The following SCP2 variants were observed in gnomAD, a reference collection of about 807,000 sequenced individuals.
SCP2 encodes SCP-2/3-oxoacyl-CoA thiolase.
In SCP2, 48 loss-of-function variants were observed where a neutral mutation model predicts 71.4. The ratio of observed to expected loss-of-function variants is 0.67; its 90% CI spans 0.53 to 0.86. The LOEUF is 0.86. Ranked by LOEUF, SCP2 falls within the 40% of genes least tolerant of loss-of-function variation. The pLI is 0.00. For synonymous variants in SCP2, 220 were observed against 218.1 expected (o/e 1.01, Z -0.08); for missense variants, 560 against 655.6 (o/e 0.85, Z 1.59).
intron 12 of SCP2, among the ~76,000 whole-genome samples, chr1:53,015,986 A>G (rs1209789393): frequency 2.0e-5 from 3 of 152,184 alleles, no homozygotes; most frequent in Non-Finnish European, 4.4e-5. Context: ...GTAATTATTT[A>G]ATCATTTATT....
intron 12 of SCP2, among the ~76,000 whole-genome samples, chr1:53,027,756 C>T (rs550527625): frequency 3.9e-4 from 59 of 152,212 alleles, no homozygotes; most frequent in Admixed American, 2.9e-3. Context: ...CCACTCGCCT[C>T]GGCCTCCCAA....
intron 13 of SCP2, among the ~76,000 whole-genome samples, chr1:53,036,205 CA>C (rs768090086): frequency 1.3e-5 from 2 of 149,520 alleles, no homozygotes; most frequent in African/African-American, 2.4e-5. Context: ...TTATATTAAA[CA>C]AAAAAAGTAG....
chr1:52,955,154 C>G (rs1279190901), intron 5 of SCP2, among the ~76,000 whole-genome samples: 3 of 152,102 alleles, frequency 2.0e-5, no homozygotes, highest in Non-Finnish European at 4.4e-5. Flanking sequence ...TGAGCCAGTT[C>G]TCTCACTGAT....
chr1:52,949,849 T>A (rs932811495), intron 3 of SCP2, among the ~76,000 whole-genome samples: 66 of 152,346 alleles, frequency 4.3e-4, no homozygotes, highest in African/African-American at 1.5e-3. Flanking sequence ...TATTTAAGAA[T>A]GTTAGCACAG....
At chr1:53,000,443 C>T (rs1660241037) in intron 11 of SCP2, among the ~76,000 whole-genome samples, 1 of 151,988 alleles carries the variant, frequency 6.6e-6, no homozygotes. Context: ...TTTAGTTTGG[C>T]CTTTTGTCGT....
chr1:53,003,627 C>T (rs1660456209), intron 11 of SCP2, among the ~76,000 whole-genome samples: 1 of 152,170 alleles, frequency 6.6e-6, no homozygotes, highest in South Asian at 2.1e-4. Context: ...TCAAGTGATC[C>T]TCCCGCCTCA....
At chr1:52,959,588 G>A (rs6588446) in intron 5 of SCP2, among the ~76,000 whole-genome samples, 82,799 of 151,760 alleles carry the variant, frequency 0.55, 24,114 homozygotes, top group East Asian at 0.98. Context: ...TCAATCTTCT[G>A]AGTTTATATA....
chr1:53,016,270 C>T (rs1661333785), intron 12 of SCP2, among the ~76,000 whole-genome samples: 1 of 152,120 alleles, frequency 6.6e-6, no homozygotes, highest in African/African-American at 2.4e-5. Flanking sequence ...TGAATATCCA[C>T]AGCACTTTGT....
intron 1 of SCP2, among the ~76,000 whole-genome samples, chr1:52,934,553 T>A (rs11206042): frequency 0.026 from 3,815 of 144,184 alleles, 177 homozygotes; most frequent in African/African-American, 0.091. Context: ...GTATGAAAAA[T>A]TCATTGATAG....
intron 1 of SCP2, among the ~76,000 whole-genome samples, chr1:52,939,530 A>T (rs1371821929): frequency 7.2e-5 from 11 of 152,162 alleles, no homozygotes; most frequent in African/African-American, 2.7e-4. Flanking sequence ...TGGGCAACAG[A>T]GTGAGACTCC....
intron 13 of SCP2, among the ~76,000 whole-genome samples, chr1:53,030,856 C>T (rs963776548): frequency 2.7e-5 from 4 of 148,842 alleles, no homozygotes; most frequent in African/African-American, 5.0e-5. Flanking sequence ...GCCAAGATCA[C>T]GCCACTGTAC....
intron 11 of SCP2, among the ~76,000 whole-genome samples, chr1:53,004,683 A>T (rs1240248880): frequency 1.3e-5 from 2 of 152,216 alleles, no homozygotes; most frequent in African/African-American, 4.8e-5. Flanking sequence ...AAATAGGAGC[A>T]GCTCCAGTCT....
intron 14 of SCP2, among the ~76,000 whole-genome samples, chr1:53,043,964 G>A (rs1026564643): frequency 2.0e-5 from 3 of 152,068 alleles, no homozygotes; most frequent in Admixed American, 1.3e-4. Context: ...TTTTAGGGGC[G>A]ATCCCTGAGT....
intron 11 of SCP2, among the ~76,000 whole-genome samples, chr1:52,999,080 T>C (rs1446906636): frequency 2.0e-5 from 3 of 148,566 alleles, no homozygotes; most frequent in Non-Finnish European, 2.9e-5. Context: ...CTAGTGATGG[T>C]ATAGCATTTT....
At position 53,026,156 on chromosome 1, in the gene SCP2, G is replaced by A. The variant is rs76789428; in HGVS notation, c.1236-1813G>A. Among the ~76,000 whole-genome samples the A allele has an allele frequency of 1.1e-3, 169 of 152,046 alleles. 1 individual carries two copies. In the East Asian group the frequency reaches 0.024, roughly 22 times the overall value. On this transcript the variant is annotated intron_variant, in intron 12 of 15. Coordinates refer to ENST00000371514, the MANE Select transcript of SCP2 (RefSeq NM_002979.5). ...TGCATAACTGATGTACATAGTCTCA[G>A]GGTACAAGTACTAATTTAATACATT...
intron 10 of SCP2, among the ~76,000 whole-genome samples, chr1:52,983,100 T>C (rs1222626526): frequency 6.6e-6 from 1 of 152,196 alleles, no homozygotes; most frequent in African/African-American, 2.4e-5. Flanking sequence ...CTAAAGGAAC[T>C]CTGGGCTGAT....
At chr1:52,929,360 AT>A (rs944094601) in intron 1 of SCP2, among the ~76,000 whole-genome samples, 1 of 151,680 alleles carries the variant, frequency 6.6e-6, no homozygotes, top group Non-Finnish European at 1.5e-5. Context: ...TTAAAAAAAA[AT>A]TTTTTTTGTA....
At chr1:52,948,994 C>A (rs1205817540) in intron 3 of SCP2, among the ~76,000 whole-genome samples, 9 of 151,330 alleles carry the variant, frequency 5.9e-5, no homozygotes, top group Admixed American at 5.3e-4. Context: ...TGTGTGGGAA[C>A]CCCTACATCA....
chr1:52,989,939 T>C (rs550787220), intron 11 of SCP2, among the ~76,000 whole-genome samples: 3 of 152,242 alleles, frequency 2.0e-5, no homozygotes, highest in Non-Finnish European at 2.9e-5. Flanking sequence ...CTGGCTAAAC[T>C]TGGGGCTCTG....
Sources: allele counts gnomAD v4.1 joint callset (sites outside exome capture counted in the v4.1 genomes callset), GRCh38; gene constraint gnomAD v4.1.1; transcripts MANE v1.5; gene names NCBI Gene and HGNC (gene_info 2026-07-23, HGNC 2026-07-21).